Variants in ANKS1B observed in about 807,000 individuals in gnomAD.
ANKS1B encodes the protein ankyrin repeat and sterile alpha motif domain-containing protein 1B.
ANKS1B carries 36 observed loss-of-function variants against 148.3 expected under a neutral mutation model. That is an observed-to-expected ratio of 0.24 (90% CI 0.19 to 0.32). ANKS1B has a LOEUF of 0.32. Among genes scored for constraint, ANKS1B ranks in the 10% least tolerant of loss-of-function variants. The pLI is 1.00. For synonymous variants in ANKS1B, 542 were observed against 560.8 expected (o/e 0.97, Z 0.47); for missense variants, 1,157 against 1,542.6 (o/e 0.75, Z 4.19).
intron 8 of ANKS1B, among the ~76,000 whole-genome samples, chr12:99,743,914 C>T (rs538658559): frequency 1.3e-5 from 2 of 152,260 alleles, no homozygotes; most frequent in Admixed American, 6.5e-5. Context: ...ATAACTTTCT[C>T]GGCTTTAATT....
At chr12:99,680,681 G>T (rs1377151825) in intron 8 of ANKS1B, among the ~76,000 whole-genome samples, 1 of 152,200 alleles carries the variant, frequency 6.6e-6, no homozygotes, top group Non-Finnish European at 1.5e-5. Flanking sequence ...ACTGCGGCAG[G>T]CAGGGAGGGG....
intron 12 of ANKS1B, among the ~76,000 whole-genome samples, chr12:99,360,791 T>G (rs549449224): frequency 6.6e-6 from 1 of 152,282 alleles, no homozygotes; most frequent in East Asian, 1.9e-4. Context: ...AAATCTTTGT[T>G]GTTGTAAGCC....
intron 13 of ANKS1B, 35 bp downstream of exon 13, chr12:99,246,240 C>T: frequency 6.7e-7 from 1 of 1,485,128 alleles, no homozygotes; most frequent in South Asian, 1.4e-5. Context: ...ACTGCAAAGC[C>T]TTATAGGATG....
At chr12:99,060,740 TTC>T (rs1275660028) in intron 16 of ANKS1B, among the ~76,000 whole-genome samples, 11 of 147,208 alleles carry the variant, frequency 7.5e-5, no homozygotes, top group Non-Finnish European at 3.0e-5. Context: ...CCATCATTCT[TTC>T]TCTTTGCCTG....
intron 9 of ANKS1B, among the ~76,000 whole-genome samples, chr12:99,572,061 G>A (rs1415719580): frequency 6.6e-6 from 1 of 152,074 alleles, no homozygotes; most frequent in African/African-American, 2.4e-5. Flanking sequence ...TAACGATCAG[G>A]AAAATTAGGA....
At chr12:99,597,312 C>G (rs1252683723) in intron 9 of ANKS1B, among the ~76,000 whole-genome samples, 1 of 151,762 alleles carries the variant, frequency 6.6e-6, no homozygotes, top group Non-Finnish European at 1.5e-5. Context: ...TAAATGTACA[C>G]ACACTGTTAT....
At position 99,273,749 on chromosome 12, in the gene ANKS1B, T is replaced by G. The variant is rs142314210; in HGVS notation, c.1757-26885A>C. Among the ~76,000 whole-genome samples, 1,047 of 151,732 alleles carry G rather than the reference T, an allele frequency of 6.9e-3. 14 individuals are homozygous for G. Among genetic ancestry groups the G allele is most frequent in the African/African-American group, 0.024 (1,003 of 41,366 alleles). ...GTGCCACCACACCCGGCTAATTTTT[T>G]GTATTTTTTGTATTTTTAGTAGAGA... On this transcript the variant is annotated intron_variant, in intron 12 of 26. Transcript: ENST00000683438.
intron 8 of ANKS1B, among the ~76,000 whole-genome samples, chr12:99,734,934 G>A (rs979295107): frequency 6.6e-5 from 10 of 151,922 alleles, no homozygotes; most frequent in Non-Finnish European, 1.3e-4. Flanking sequence ...GACCCACCCT[G>A]CACCTCATTG....
At chr12:98,882,166 A>G (rs1462604779) in intron 17 of ANKS1B, among the ~76,000 whole-genome samples, 1 of 152,156 alleles carries the variant, frequency 6.6e-6, no homozygotes, top group Non-Finnish European at 1.5e-5. Flanking sequence ...GTACCAAAAG[A>G]CAAGAAAAAA....
chr12:99,948,753 C>T (rs1238019391), intron 1 of ANKS1B, among the ~76,000 whole-genome samples: 1 of 152,148 alleles, frequency 6.6e-6, no homozygotes, highest in East Asian at 1.9e-4. Context: ...GACGATGTAA[C>T]AGAGATTAGG....
chr12:99,784,346 G>C (rs2064754725), intron 4 of ANKS1B, among the ~76,000 whole-genome samples: 5 of 151,740 alleles, frequency 3.3e-5, no homozygotes, highest in Non-Finnish European at 1.5e-5. Context: ...TAATTTTTTT[G>C]TATTTTTAGT....
intron 11 of ANKS1B, among the ~76,000 whole-genome samples, chr12:99,421,766 C>T (rs1005821371): frequency 7.9e-5 from 12 of 152,072 alleles, no homozygotes; most frequent in Non-Finnish European, 1.6e-4. Context: ...TATATGTCCC[C>T]ATCAAATCTC....
At chr12:99,962,878 A>C (rs2095433646) in intron 1 of ANKS1B, among the ~76,000 whole-genome samples, 1 of 138,868 alleles carries the variant, frequency 7.2e-6, no homozygotes, top group Non-Finnish European at 1.5e-5. Context: ...CAGTGGCATG[A>C]TCTCGGCTCA....
At chr12:99,263,073 A>G (rs2076088845) in intron 12 of ANKS1B, among the ~76,000 whole-genome samples, 2 of 152,080 alleles carry the variant, frequency 1.3e-5, no homozygotes, top group African/African-American at 4.8e-5. Context: ...ATAATACCCC[A>G]TAATACTCTG....
chr12:99,743,674 G>A (rs2060324203), intron 8 of ANKS1B, among the ~76,000 whole-genome samples: 1 of 152,136 alleles, frequency 6.6e-6, no homozygotes, highest in Non-Finnish European at 1.5e-5. Flanking sequence ...GAGAGCAGGT[G>A]AAATATTTGT....
At chr12:99,300,327 A>ATG (rs35667862) in intron 12 of ANKS1B, among the ~76,000 whole-genome samples, 63,877 of 151,842 alleles carry the variant, frequency 0.42, 16,574 homozygotes, top group African/African-American at 0.73. Flanking sequence ...TTTTAGAAGG[A>ATG]TAATTATAGA....
rs1295365717 is a variant in ANKS1B at position 99,775,581 on chromosome 12, A to G, written c.928T>C (p.Ser310Pro). ...EDATQETHIS[S>P]PVESPSQKTK... is the part of the protein sequence containing the mutation. Reference sequence around the variant, plus strand: ...TTTTGGGAAGGAGACTCAACAGGAGATGAAATGTGTGTTTCTTGTGTTGCA... The same window carrying G: ...TTTTGGGAAGGAGACTCAACAGGAGGTGAAATGTGTGTTTCTTGTGTTGCA... The change falls in exon 7 of 27, where the codon TCT (serine) becomes CCT (proline). Residue 310 changes from serine (S) to proline (P), a missense_variant. Transcript: ENST00000683438. 3 of 1,613,422 alleles carry G rather than the reference A, an allele frequency of 1.9e-6. No individual in the cohort carries two copies. Among genetic ancestry groups the G allele is most frequent in the South Asian group, 2.2e-5 (2 of 91,014 alleles).
intron 9 of ANKS1B, among the ~76,000 whole-genome samples, chr12:99,570,024 A>G (rs1490338088): frequency 2.0e-5 from 3 of 152,078 alleles, no homozygotes; most frequent in African/African-American, 7.2e-5. Context: ...ACCACTCCCC[A>G]CAAGGGCCCA....
chr12:99,061,674 A>G (rs2042501375), intron 16 of ANKS1B, among the ~76,000 whole-genome samples: 1 of 152,230 alleles, frequency 6.6e-6, no homozygotes, highest in African/African-American at 2.4e-5. Context: ...CTATATTATG[A>G]ATGTCTCTAT....
Sources: allele counts gnomAD v4.1 joint callset (sites outside exome capture counted in the v4.1 genomes callset), GRCh38; gene constraint gnomAD v4.1.1; transcripts MANE v1.5; gene names NCBI Gene and HGNC (gene_info 2026-07-23, HGNC 2026-07-21).